Variants in MBNL2 observed in about 807,000 individuals in gnomAD.
The protein encoded by MBNL2 is muscleblind-like protein 2.
MBNL2 carries 17 observed loss-of-function variants against 41.9 expected under a neutral mutation model. The ratio of observed to expected loss-of-function variants is 0.41; its 90% CI spans 0.28 to 0.61. The LOEUF is 0.61. Ranked by LOEUF, MBNL2 falls within the 20% of genes least tolerant of loss-of-function variation. The pLI is 0.35. For missense variants in MBNL2, 336 were observed against 505.6 expected, an observed-to-expected ratio of 0.66 and a Z score of 3.22; for synonymous variants, 195 against 182.9, an observed-to-expected ratio of 1.07 and a Z score of -0.53.
chr13:97,207,725 A>G, the MBNL2 span, among the ~76,000 whole-genome samples: 1 of 152,196 alleles, frequency 6.6e-6, no homozygotes, highest in East Asian at 1.9e-4. Flanking sequence ...ATGCCTTCCC[A>G]ACAGTCCCCC....
At chr13:97,191,169 G>A in the MBNL2 span, among the ~76,000 whole-genome samples, 1 of 151,690 alleles carries the variant, frequency 6.6e-6, no homozygotes, top group Non-Finnish European at 1.5e-5. Context: ...GTGTTCACTT[G>A]CAAATTGGTT....
intron 3 of MBNL2, among the ~76,000 whole-genome samples, chr13:97,336,277 T>C (rs551036782): frequency 1.3e-5 from 2 of 152,262 alleles, no homozygotes; most frequent in Non-Finnish European, 2.9e-5. Context: ...AACTGTGACA[T>C]GTTTAAAAAT....
At chr13:97,390,831 C>T (rs879427942) in intron 8 of MBNL2, among the ~76,000 whole-genome samples, 9 of 152,070 alleles carry the variant, frequency 5.9e-5, no homozygotes, top group Admixed American at 1.3e-4. Flanking sequence ...GATGGGAATA[C>T]ATTTTTGAAT....
chr13:97,315,209 C>T (rs2058936255), intron 2 of MBNL2, among the ~76,000 whole-genome samples: 1 of 152,060 alleles, frequency 6.6e-6, no homozygotes, highest in Non-Finnish European at 1.5e-5. Context: ...ATTTAAGGAT[C>T]CTAAAATGAA....
chr13:97,164,486 A>T, the MBNL2 span, among the ~76,000 whole-genome samples: 1 of 152,224 alleles, frequency 6.6e-6, no homozygotes, highest in East Asian at 1.9e-4. Flanking sequence ...ATCAATGAAC[A>T]ATTAAAAAGA....
intron 1 of MBNL2, among the ~76,000 whole-genome samples, chr13:97,270,283 C>A (rs1251077167): frequency 6.6e-6 from 1 of 152,116 alleles, no homozygotes; most frequent in African/African-American, 2.4e-5. Flanking sequence ...TAATATTTAA[C>A]CCAATATATT....
At chr13:97,146,135 C>T in the MBNL2 span, among the ~76,000 whole-genome samples, 2 of 150,994 alleles carry the variant, frequency 1.3e-5, no homozygotes, top group African/African-American at 4.9e-5. Flanking sequence ...GGACTACAGG[C>T]GTGTGCCACT....
intron 2 of MBNL2, among the ~76,000 whole-genome samples, chr13:97,326,603 A>G (rs1330220638): frequency 6.6e-6 from 1 of 152,190 alleles, no homozygotes; most frequent in Non-Finnish European, 1.5e-5. Flanking sequence ...TCTGGTTATC[A>G]TTTGTTTATA....
chr13:97,326,569 G>C (rs1175748846), intron 2 of MBNL2, among the ~76,000 whole-genome samples: 1 of 152,094 alleles, frequency 6.6e-6, no homozygotes, highest in Non-Finnish European at 1.5e-5. Flanking sequence ...GATGATACTG[G>C]TAATTATTCA....
chr13:97,234,990 TAGA>T (rs142683367), intron 1 of MBNL2, among the ~76,000 whole-genome samples: 4,983 of 152,216 alleles, frequency 0.033, 131 homozygotes, highest in South Asian at 0.11. Context: ...TCCTTCCTCG[TAGA>T]AGGAGAAACC....
rs375134008 is a variant in MBNL2 at position 97,307,587 on chromosome 13, A to G, written c.175-26689A>G. Among the ~76,000 whole-genome samples the G allele has an allele frequency of 6.6e-5, 10 of 152,334 alleles. No individual in the cohort carries two copies. In the East Asian group the frequency reaches 7.7e-4, roughly 12 times the overall value. ...AAAGAAAAAATATTTAGTCCACAAC[A>G]GGAAGGGAAAAATAAATTCAAAAGC... is the stretch of plus-strand genomic sequence containing the variant. On this transcript the variant is annotated intron_variant, in intron 2 of 8. Transcript: ENST00000679496.
chr13:97,247,040 A>T (rs2045607854), intron 1 of MBNL2, among the ~76,000 whole-genome samples: 1 of 152,206 alleles, frequency 6.6e-6, no homozygotes, highest in Admixed American at 6.5e-5. Flanking sequence ...ACAGTCTCGA[A>T]ACCAATTCTT....
At chr13:97,358,396 A>G (rs2063152548) in intron 7 of MBNL2, among the ~76,000 whole-genome samples, 2 of 152,082 alleles carry the variant, frequency 1.3e-5, no homozygotes, top group Non-Finnish European at 2.9e-5. Context: ...GACCAAACCC[A>G]TTTACATCAC....
chr13:97,301,255 C>T (rs1038913246), intron 2 of MBNL2, among the ~76,000 whole-genome samples: 22 of 152,150 alleles, frequency 1.4e-4, no homozygotes, highest in Non-Finnish European at 2.4e-4. Flanking sequence ...ATTTTGCCTG[C>T]GTTACTCCAT....
At chr13:97,212,797 A>G in the MBNL2 span, among the ~76,000 whole-genome samples, 1 of 152,216 alleles carries the variant, frequency 6.6e-6, no homozygotes, top group Admixed American at 6.5e-5. Flanking sequence ...AGCACCCCAG[A>G]AGTGCTTGTC....
rs1320361769 is a variant in MBNL2, at chr13:97,265,253, C to CA, written c.-604-10378dup. Among the ~76,000 whole-genome samples, 3 of 152,132 alleles carry CA rather than the reference C, an allele frequency of 2.0e-5. 1 individual carries two copies. The East Asian group carries it at 5.8e-4, about 29-fold the overall frequency. ...TGACTTTTTCACTTGTACTTTAAGA[C>CA]ATAAGATACATGAAAAAAAAGTTGG... On this transcript the variant is annotated intron_variant, in intron 1 of 8. Coordinates refer to ENST00000679496, the MANE Select transcript of MBNL2 (RefSeq NM_001382683.1).
chr13:97,206,022 G>T, the MBNL2 span, among the ~76,000 whole-genome samples: 970 of 152,230 alleles, frequency 6.4e-3, 3 homozygotes, highest in Non-Finnish European at 9.7e-3. Context: ...GATAAAAAAT[G>T]AGTTATTTTT....
rs565321022 is a variant in MBNL2, at chr13:97,265,190, T to C, written c.-604-10442T>C. Among the ~76,000 whole-genome samples the C allele has an allele frequency of 5.3e-5, 8 of 152,364 alleles. No homozygotes were observed. The South Asian group carries it at 1.4e-3, about 28-fold the overall frequency. On this transcript the variant is annotated intron_variant, in intron 1 of 8. Coordinates refer to ENST00000679496, the MANE Select transcript of MBNL2 (RefSeq NM_001382683.1). ...CCTGGAAATGGCAATGAAAAGAGAT[T>C]GGAAATTTTTGCATGTTAAAATGAG...
At chr13:97,224,000 C>T (rs138199712) in intron 1 of MBNL2, among the ~76,000 whole-genome samples, 200 of 152,288 alleles carry the variant, frequency 1.3e-3, no homozygotes, top group Non-Finnish European at 2.5e-3. Flanking sequence ...TTTATATTTT[C>T]GCCTGTCTTT....
Sources: gnomAD v4.1 joint callset for allele counts (sites outside exome capture counted in the v4.1 genomes callset) on GRCh38, gnomAD v4.1.1 for gene constraint, MANE v1.5 for transcripts, NCBI Gene and HGNC (gene_info 2026-07-23, HGNC 2026-07-21) for gene names.